Variants in DLX5 observed in about 807,000 individuals in gnomAD.
The protein encoded by DLX5 is distal-less homeobox 5.
Under a neutral mutation model 27.1 loss-of-function variants are expected in DLX5, and 8 were observed. That is an observed-to-expected ratio of 0.30 (90% CI 0.17 to 0.53). The LOEUF is 0.53. Ranked by LOEUF, DLX5 falls within the 20% of genes least tolerant of loss-of-function variation. DLX5 has a pLI of 0.95. For synonymous variants in DLX5, 178 were observed against 161.9 expected, an observed-to-expected ratio of 1.10 and a Z score of -0.75; for missense variants, 339 against 375.1, an observed-to-expected ratio of 0.90 and a Z score of 0.80.
In DLX5 at chr7:97,024,471, C is replaced by G. The variant is rs777701882; in HGVS notation, c.153G>C (p.Thr51=). Residue 51 remains threonine, a synonymous_variant, in exon 1 of 3, where the codon ACG becomes ACC. Coordinates refer to ENST00000648378, the MANE Select transcript of DLX5 (RefSeq NM_005221.6). This position sits in a 1 kb window ranked among gnomAD's most constrained non-coding sequence, Gnocchi z 4.6. ...SATDSDYYSP[T]GGAPHGYCSP... ...AGCAGTAGCCGTGCGGGGCTCCCCC[C>G]GTAGGGCTGTAGTAGTCAGAATCGG... 8.1e-6 allele frequency: 13 copies of G among 1,613,952 alleles called. No individual in the cohort carries two copies. The highest frequency in any genetic ancestry group is 1.7e-5 in the Admixed American group (1 of 60,008).
Position 97,024,179 on chromosome 7 carries a change from AC to A in DLX5, c.355+89del. On this transcript the variant is annotated intron_variant, in intron 1 of 2. Coordinates refer to ENST00000648378, the MANE Select transcript of DLX5 (RefSeq NM_005221.6). This position sits in a 1 kb window ranked among gnomAD's most constrained non-coding sequence, Gnocchi z 4.6. ...GCCGCGTGCGCCCCCACTGCCGTGA[AC>A]CGCTGTGACCCCCAATCTACCACCC... 1 of 1,292,762 alleles carries A rather than the reference AC, an allele frequency of 7.7e-7. No individual in the cohort carries two copies. The highest frequency in any genetic ancestry group is 1.1e-6 in the Non-Finnish European group (1 of 945,828). The allele number at this position is 1,292,762 out of a possible 1,614,324, so 80.1% of individuals were successfully genotyped here. A position where few individuals can be genotyped will look rare whatever the true frequency, so the allele number is the denominator to read the frequency against.
intron 2 of DLX5, 31 bp from the exon 3 acceptor site, chr7:97,021,096 G>C (rs376279000): frequency 1.3e-6 from 2 of 1,568,756 alleles, no homozygotes; most frequent in Admixed American, 1.7e-5. Flanking sequence ...ACACGTTACC[G>C]GGACACTCAG....
Position 97,024,697 on chromosome 7 carries a change from C to T in DLX5, c.-74G>A, listed in dbSNP as rs529621642. On this transcript the variant is annotated 5_prime_UTR_variant, in exon 1 of 3. Coordinates refer to ENST00000648378, the MANE Select transcript of DLX5 (RefSeq NM_005221.6). This position sits in a 1 kb window ranked among gnomAD's most constrained non-coding sequence, Gnocchi z 4.6. ...GCTGCCCTAGTTGGCTGTGGGGCTG[C>T]TCTGGTCTAAGCAGACATGGCTGTG... The T allele has an allele frequency of 4.3e-4, 563 of 1,317,916 alleles. 1 individual carries two copies. In the African/African-American group the frequency reaches 6.8e-3, roughly 16 times the overall value. 81.6% of individuals were successfully genotyped at this position (1,317,916 alleles called of 1,614,324 possible).
In DLX5 at chr7:97,020,778, G is replaced by A. The variant is rs776137912; in HGVS notation, c.828C>T (p.Ser276=). Reference sequence around the variant, plus strand: ...AGGCCAGCGCCAGCGGGTGCTGTAAGGAGCCCGGCGGCGGCAGGTGGGAAT... The same window carrying A: ...AGGCCAGCGCCAGCGGGTGCTGTAAAGAGCCCGGCGGCGGCAGGTGGGAAT... The part of the protein sequence containing the change: ...SINSHLPPPG[S]LQHPLALASG... Residue 276 remains serine (S), a synonymous_variant, in exon 3 of 3, where the codon TCC becomes TCT. Transcript: ENST00000648378. 6.2e-7 allele frequency: 1 copy of A among 1,609,936 alleles called. No homozygotes were observed. The highest frequency in any genetic ancestry group is 1.1e-5 in the South Asian group (1 of 90,724).
intron 1 of DLX5, chr7:97,022,597 G>A (rs1357230617): frequency 1.0e-6 from 1 of 985,346 alleles, no homozygotes; most frequent in Admixed American, 6.1e-5. Context: ...GATAGTTTGT[G>A]CAAAGCGCTT....
intron 1 of DLX5, among the ~76,000 whole-genome samples, chr7:97,023,050 T>TTC (rs1316693674): frequency 6.7e-6 from 1 of 149,532 alleles, no homozygotes; most frequent in East Asian, 2.0e-4. Context: ...AAAAGAAATC[T>TTC]TCCACTTATG....
chr7:97,023,849 G>A (rs1790128725), intron 1 of DLX5, among the ~76,000 whole-genome samples: 1 of 126,518 alleles, frequency 7.9e-6, no homozygotes, highest in Non-Finnish European at 1.6e-5. Context: ...CTGAGTTTTT[G>A]AGGCAGCCTT....
intron 1 of DLX5, among the ~76,000 whole-genome samples, chr7:97,023,414 T>C (rs939995617): frequency 1.3e-5 from 2 of 151,466 alleles, no homozygotes; most frequent in African/African-American, 4.9e-5. Context: ...AGGGCTGTGG[T>C]CTCAATTCTG....
chr7:97,024,729 A>AGGGAGGAGGAGG lies in DLX5; in HGVS notation c.-118_-107dup. On this transcript the variant is annotated 5_prime_UTR_variant, in exon 1 of 3. Transcript: ENST00000648378. This position sits in a 1 kb window ranked among gnomAD's most constrained non-coding sequence, Gnocchi z 4.6. ...CTAAGCAGACATGGCTGTGGGAGCGAGGGAGGAGGAGGAAGAGGAGGAGGA... is the reference window on the plus strand; with the variant it reads ...CTAAGCAGACATGGCTGTGGGAGCGAGGGAGGAGGAGGGGGAGGAGGAGGAAGAGGAGGAGGA... 1.0e-6 allele frequency: 1 copy of AGGGAGGAGGAGG among 970,936 alleles called. No homozygotes were observed. The allele number at this position is 970,936 out of a possible 1,614,324, so 60.1% of individuals were successfully genotyped here.
chr7:97,020,768 G>T lies in DLX5; in HGVS notation c.838C>A (p.Pro280Thr). 6.2e-7 allele frequency: 1 copy of T among 1,604,862 alleles called. No individual in the cohort carries two copies. The highest frequency in any genetic ancestry group is 8.5e-7 in the Non-Finnish European group (1 of 1,173,254). Residue 280 changes from proline to threonine, a missense_variant, in exon 3 of 3, where the codon CCG (proline) becomes ACG (threonine). Physicochemically the swap from Pro to Thr is conservative, Grantham distance 38. Transcript: ENST00000648378. ...AGTGTCCCGGAGGCCAGCGCCAGCG[G>T]GTGCTGTAAGGAGCCCGGCGGCGGC... ...HLPPPGSLQH[P>T]LALASGTLY
chr7:97,023,756 C>T (rs1359848074), intron 1 of DLX5, among the ~76,000 whole-genome samples: 1 of 152,046 alleles, frequency 6.6e-6, no homozygotes, highest in African/African-American at 2.4e-5. Flanking sequence ...CTGGCTACAA[C>T]TCCTTAACCC....
At chr7:97,022,683 T>C (rs1336446304) in intron 1 of DLX5, 1 of 765,554 alleles carries the variant, frequency 1.3e-6, no homozygotes, top group Non-Finnish European at 1.6e-6. Context: ...GACTTGTTTT[T>C]ACGCCCACCC....
Position 97,024,487 on chromosome 7 carries a change from T to G in DLX5, c.137A>C (p.Asp46Ala), listed in dbSNP as rs746277945. 5 of 1,614,046 alleles carry G rather than the reference T, an allele frequency of 3.1e-6. No homozygotes were observed. Among genetic ancestry groups the G allele is most frequent in the Non-Finnish European group, 4.2e-6 (5 of 1,180,034 alleles). The change falls in exon 1 of 3, where the codon GAC (aspartate) becomes GCC (alanine). Residue 46 changes from aspartate (D) to alanine (A), a missense_variant. Transcript: ENST00000648378. This position sits in a 1 kb window ranked among gnomAD's most constrained non-coding sequence, Gnocchi z 4.6. ...TLPESSATDSDYYSPTGGAPH... is the reference protein window; with the variant it reads ...TLPESSATDSAYYSPTGGAPH... ...GGCTCCCCCCGTAGGGCTGTAGTAGTCAGAATCGGTAGCTGAAGACTCGGG... is the reference window on the plus strand; with the variant it reads ...GGCTCCCCCCGTAGGGCTGTAGTAGGCAGAATCGGTAGCTGAAGACTCGGG...
Position 97,024,762 on chromosome 7 carries a change from A to G in DLX5, c.-139T>C, listed in dbSNP as rs1584168956. The stretch of plus-strand genomic sequence containing the variant: ...GGAGGAAGAGGAGGAGGAGAGAAGG[A>G]GGAGGCGGCGGCCGCGGCGAGGAGG... On this transcript the variant is annotated 5_prime_UTR_variant, in exon 1 of 3. Coordinates refer to ENST00000648378, the MANE Select transcript of DLX5 (RefSeq NM_005221.6). This position sits in a 1 kb window ranked among gnomAD's most constrained non-coding sequence, Gnocchi z 4.6. The G allele has an allele frequency of 1.3e-6, 1 of 758,678 alleles. No homozygotes were observed. The highest frequency in any genetic ancestry group is 1.7e-5 in the African/African-American group (1 of 57,314). The allele number at this position is 758,678 out of a possible 1,614,324, so 47.0% of individuals were successfully genotyped here.
At position 97,024,824 on chromosome 7, in the gene DLX5, T is replaced by C. The variant is rs574247382; in HGVS notation, c.-201A>G. ...CGTGAAGTCTCTGTCTCCGGCCGGC[T>C]GACTGCTGGCTGAGGCGCAGCACAG... On this transcript the variant is annotated 5_prime_UTR_variant, in exon 1 of 3. Transcript: ENST00000648378. The surrounding 1 kb of genome is among the most constrained non-coding windows in gnomAD (Gnocchi z 4.6). The C allele has an allele frequency of 1.7e-6, 1 of 580,068 alleles. No individual in the cohort carries two copies. Among genetic ancestry groups the C allele is most frequent in the African/African-American group, 1.9e-5 (1 of 53,756 alleles). The allele number at this position is 580,068 out of a possible 1,614,324, so 35.9% of individuals were successfully genotyped here.
At position 97,024,716 on chromosome 7, in the gene DLX5, G is replaced by T; in HGVS notation, c.-93C>A. 9.0e-7 allele frequency: 1 copy of T among 1,110,090 alleles called. No homozygotes were observed. The highest frequency in any genetic ancestry group is 1.3e-6 in the Non-Finnish European group (1 of 776,354). 68.8% of individuals were successfully genotyped at this position (1,110,090 alleles called of 1,614,324 possible). On this transcript the variant is annotated 5_prime_UTR_variant, in exon 1 of 3. Coordinates refer to ENST00000648378, the MANE Select transcript of DLX5 (RefSeq NM_005221.6). The surrounding 1 kb of genome is among the most constrained non-coding windows in gnomAD (Gnocchi z 4.6). ...GGGCTGCTCTGGTCTAAGCAGACATGGCTGTGGGAGCGAGGGAGGAGGAGG... is the reference window on the plus strand; with the variant it reads ...GGGCTGCTCTGGTCTAAGCAGACATTGCTGTGGGAGCGAGGGAGGAGGAGG...
In DLX5 at chr7:97,024,371, C is replaced by G. The variant is rs753398910; in HGVS notation, c.253G>C (p.Gly85Arg). Residue 85 changes from glycine to arginine, a missense_variant, in exon 1 of 3, where the codon GGG (glycine) becomes CGG (arginine). This residue lies in a region of DLX5 where 188 missense variants were observed against 206.1 expected (regional missense o/e 0.91). Transcript: ENST00000648378. The surrounding 1 kb of genome is among the most constrained non-coding windows in gnomAD (Gnocchi z 4.6). ...GCATAAGCTTTGGCTGGGTAGCTCC[C>G]GGCGGAGCCGTTCACGCCGTGATAC... is the stretch of plus-strand genomic sequence containing the variant. Reference protein sequence around the residue: ...YQYHGVNGSAGSYPAKAYADY... With the variant: ...YQYHGVNGSARSYPAKAYADY... 6.2e-7 allele frequency: 1 copy of G among 1,614,226 alleles called. No individual in the cohort carries two copies. Among genetic ancestry groups the G allele is most frequent in the Non-Finnish European group, 8.5e-7 (1 of 1,180,048 alleles).
Position 97,020,820 on chromosome 7 carries a change from A to T in DLX5, c.786T>A (p.Ser262Arg), listed in dbSNP as rs780431973. The T allele has an allele frequency of 1.9e-6, 3 of 1,613,616 alleles. No individual in the cohort carries two copies. The African/African-American group carries it at 4.0e-5, about 22-fold the overall frequency. The change falls in exon 3 of 3, where the codon AGT (serine) becomes AGA (arginine). Residue 262 changes from serine to arginine, a missense_variant. Transcript: ENST00000648378. Reference protein sequence around the residue: ...YLENSASWYTSAASSINSHLP... With the variant: ...YLENSASWYTRAASSINSHLP... ...GGTGGGAATTGATTGAGCTGGCTGC[A>T]CTTGTGTACCAGGATGCAGAGTTCT...
intron 1 of DLX5, among the ~76,000 whole-genome samples, chr7:97,023,840 T>C (rs1385329035): frequency 1.4e-5 from 2 of 137,978 alleles, no homozygotes; most frequent in East Asian, 2.4e-4. Context: ...TAATCCTGAC[T>C]GAGTTTTTGA....
Sources: gnomAD v4.1 joint callset for allele counts (sites outside exome capture counted in the v4.1 genomes callset) on GRCh38, gnomAD v4.1.1 for gene constraint, gnomAD v4.1.1 regional missense constraint, Gnocchi (gnomAD v3.1) non-coding constraint, MANE v1.5 for transcripts, NCBI Gene and HGNC (gene_info 2026-07-23, HGNC 2026-07-21) for gene names.